Variants in SLC39A11 observed in about 807,000 individuals in gnomAD.
SLC39A11 encodes the protein zinc transporter ZIP11.
SLC39A11 carries 33 observed loss-of-function variants against 36.1 expected under a neutral mutation model. The ratio of observed to expected loss-of-function variants is 0.91; its 90% CI spans 0.69 to 1.22. SLC39A11 has a LOEUF of 1.22. SLC39A11 is among the 50% of genes most tolerant of loss of function. The pLI, the probability that SLC39A11 is intolerant of heterozygous loss-of-function variation, is 0.00. For missense variants in SLC39A11, 432 were observed against 430.3 expected (o/e 1.00, Z -0.03); for synonymous variants, 166 against 170.3 (o/e 0.97, Z 0.20).
At chr17:73,079,307 C>T (rs575642725) in intron 3 of SLC39A11, among the ~76,000 whole-genome samples, 4 of 152,028 alleles carry the variant, frequency 2.6e-5, no homozygotes, top group East Asian at 3.9e-4. Context: ...ATGTTGGTCA[C>T]GCTGGTCTCA....
chr17:72,752,715 G>A (rs1327862008), intron 6 of SLC39A11, among the ~76,000 whole-genome samples: 1 of 151,478 alleles, frequency 6.6e-6, no homozygotes, highest in East Asian at 2.0e-4. Context: ...TGAGGGTATT[G>A]TTCCATCATC....
chr17:72,877,604 G>A (rs568966133), intron 5 of SLC39A11, among the ~76,000 whole-genome samples: 1 of 152,090 alleles, frequency 6.6e-6, no homozygotes, highest in Non-Finnish European at 1.5e-5. Context: ...GAAGCTAGGA[G>A]AGACAGAGAA....
At chr17:72,997,405 C>T (rs1267323537) in intron 4 of SLC39A11, among the ~76,000 whole-genome samples, 1 of 152,180 alleles carries the variant, frequency 6.6e-6, no homozygotes. Flanking sequence ...AGGTGGCCAC[C>T]ACCACGCCCG....
At chr17:73,067,813 G>T in intron 3 of SLC39A11, 2 of 1,465,166 alleles carry the variant, frequency 1.4e-6, no homozygotes, top group Non-Finnish European at 1.9e-6. Context: ...ACTTTTCAGA[G>T]CTGTCTCTTC....
intron 5 of SLC39A11, among the ~76,000 whole-genome samples, chr17:72,931,666 A>G (rs2084406501): frequency 6.6e-6 from 1 of 152,208 alleles, no homozygotes; most frequent in South Asian, 2.1e-4. Flanking sequence ...ACATGACGAA[A>G]GTCTTAGCAA....
intron 6 of SLC39A11, among the ~76,000 whole-genome samples, chr17:72,795,624 T>A (rs1389780118): frequency 3.9e-5 from 6 of 152,052 alleles, no homozygotes; most frequent in African/African-American, 1.5e-4. Flanking sequence ...ATTGCTCTAT[T>A]TCTTGAAGGG....
At chr17:72,821,749 G>A (rs527585207) in intron 6 of SLC39A11, 29 of 151,522 alleles carry the variant, frequency 1.9e-4, no homozygotes, top group African/African-American at 6.5e-4. Flanking sequence ...ATCTCCCTCA[G>A]ACTGAGGCAA....
intron 3 of SLC39A11, among the ~76,000 whole-genome samples, chr17:73,050,170 T>C (rs2059445300): frequency 1.3e-5 from 2 of 151,704 alleles, no homozygotes; most frequent in African/African-American, 4.9e-5. Context: ...AGAGTAACAG[T>C]GTGGACTCCA....
At chr17:72,732,281 C>T (rs1462584644) in intron 7 of SLC39A11, among the ~76,000 whole-genome samples, 5 of 151,904 alleles carry the variant, frequency 3.3e-5, no homozygotes, top group East Asian at 3.9e-4. Flanking sequence ...TCTCAAAGTA[C>T]GGGATTATAG....
At chr17:72,701,521 A>G (rs1011173812) in intron 7 of SLC39A11, among the ~76,000 whole-genome samples, 2 of 152,144 alleles carry the variant, frequency 1.3e-5, no homozygotes, top group Non-Finnish European at 2.9e-5. Context: ...TGAGGTCAGG[A>G]GTTCGAGACC....
intron 4 of SLC39A11, among the ~76,000 whole-genome samples, chr17:73,026,367 T>C (rs547886963): frequency 6.6e-6 from 1 of 150,860 alleles, no homozygotes; most frequent in East Asian, 2.0e-4. Context: ...AGTACAAAAT[T>C]AGCCAGGCAT....
At chr17:72,788,334 C>T (rs990122445) in intron 6 of SLC39A11, among the ~76,000 whole-genome samples, 3 of 152,198 alleles carry the variant, frequency 2.0e-5, no homozygotes, top group Non-Finnish European at 2.9e-5. Context: ...CCCCTTGTTT[C>T]CATGCATTAT....
At chr17:72,822,760 G>C (rs2077849145) in intron 6 of SLC39A11, among the ~76,000 whole-genome samples, 1 of 150,788 alleles carries the variant, frequency 6.6e-6, no homozygotes, top group African/African-American at 2.4e-5. Context: ...TGTCACCCAG[G>C]CTGGAGTGCA....
In SLC39A11 at chr17:72,676,415, G is replaced by A. The variant is rs151285648; in HGVS notation, c.672-27147C>T. 1.1e-4 allele frequency among the ~76,000 whole-genome samples: 17 copies of A among 152,160 alleles called. 1 individual carries two copies. In the East Asian group the frequency reaches 3.3e-3, roughly 29 times the overall value. On this transcript the variant is annotated intron_variant, in intron 7 of 9. Coordinates refer to ENST00000255559, the MANE Select transcript of SLC39A11 (RefSeq NM_139177.4). ...AAGAGCAAATGGGATCTGTAACCTC[G>A]ATGATCACAACATTTCAATATGGTA...
intron 4 of SLC39A11, among the ~76,000 whole-genome samples, chr17:72,995,811 T>G (rs1373871378): frequency 6.6e-6 from 1 of 152,206 alleles, no homozygotes; most frequent in Non-Finnish European, 1.5e-5. Flanking sequence ...ACAACAGATC[T>G]CAGCCTCCAT....
At chr17:73,084,969 G>A (rs1461842165) in intron 2 of SLC39A11, 123 bp from the exon 3 acceptor site, 14 of 966,960 alleles carry the variant, frequency 1.4e-5, no homozygotes, top group East Asian at 1.0e-4. Context: ...TCCTGAGCTC[G>A]TGAGCTACTC....
chr17:72,664,512 A>G (rs2070638149), intron 7 of SLC39A11, among the ~76,000 whole-genome samples: 1 of 152,208 alleles, frequency 6.6e-6, no homozygotes, highest in African/African-American at 2.4e-5. Flanking sequence ...AGATCTGATG[A>G]GAATCCAGCC....
At position 72,647,631 on chromosome 17, in the gene SLC39A11, T is replaced by C. The variant is rs767859644; in HGVS notation, c.961A>G (p.Ile321Val). ...GNGKLASWAS[I>V]LGFVVMMSLD... is the part of the protein sequence containing the mutation. ...GACATCATCACTACAAATCCCAGGATGGAGGCCCAGGATGCCAGTTTCCCA... is the reference window on the plus strand; with the variant it reads ...GACATCATCACTACAAATCCCAGGACGGAGGCCCAGGATGCCAGTTTCCCA... Residue 321 changes from isoleucine to valine, a missense_variant, in exon 10 of 10, where the codon ATC (isoleucine) becomes GTC (valine). By Grantham distance (29) the Ile-to-Val change is conservative. Coordinates refer to ENST00000255559, the MANE Select transcript of SLC39A11 (RefSeq NM_139177.4). 6.2e-7 allele frequency: 1 copy of C among 1,613,970 alleles called. No homozygotes were observed. The highest frequency in any genetic ancestry group is 1.1e-5 in the South Asian group (1 of 91,048).
intron 7 of SLC39A11, among the ~76,000 whole-genome samples, chr17:72,701,555 C>A (rs1188357950): frequency 6.6e-6 from 1 of 151,876 alleles, no homozygotes. Flanking sequence ...TGGTGAAACC[C>A]TGTCTCTACT....
Sources: gnomAD v4.1 joint callset for allele counts (sites outside exome capture counted in the v4.1 genomes callset) on GRCh38, gnomAD v4.1.1 for gene constraint, MANE v1.5 for transcripts, NCBI Gene and HGNC (gene_info 2026-07-23, HGNC 2026-07-21) for gene names.